GRID2: variants seen among roughly 807,000 people sequenced by gnomAD.
GRID2 encodes the protein glutamate receptor ionotropic, delta-2.
Under a neutral mutation model 114.8 loss-of-function variants are expected in GRID2, and 33 were observed. That is an observed-to-expected ratio of 0.29 (90% CI 0.22 to 0.38). GRID2 has a LOEUF of 0.38. Among genes scored for constraint, GRID2 ranks in the 10% least tolerant of loss-of-function variants. The pLI is 1.00. For synonymous variants in GRID2, 505 were observed against 449.9 expected (o/e 1.12, Z -1.55); for missense variants, 1,184 against 1,257.7 (o/e 0.94, Z 0.89).
chr4:93,421,218 A>C (rs921417857), intron 9 of GRID2, among the ~76,000 whole-genome samples: 7 of 152,154 alleles, frequency 4.6e-5, no homozygotes, highest in African/African-American at 1.4e-4. Context: ...ATGTTGCACA[A>C]ACCACCCTGT....
At chr4:93,383,738 T>A (rs1764074947) in intron 8 of GRID2, among the ~76,000 whole-genome samples, 1 of 152,158 alleles carries the variant, frequency 6.6e-6, no homozygotes, top group Non-Finnish European at 1.5e-5. Context: ...ACAGCTCACA[T>A]CTCACTCACA....
In GRID2 at chr4:93,026,040, T is replaced by C. The variant is rs142408350; in HGVS notation, c.245-58955T>C. 4.7e-3 allele frequency among the ~76,000 whole-genome samples: 709 copies of C among 151,888 alleles called. 9 individuals carry two copies. The highest frequency in any genetic ancestry group is 0.017 in the African/African-American group (687 of 41,528). ...GTAGGGAAAGTTGATAATTTTCTAA[T>C]TCATTTAAAGATGTATTATAATTTC... On this transcript the variant is annotated intron_variant, in intron 2 of 15. Coordinates refer to ENST00000282020, the MANE Select transcript of GRID2 (RefSeq NM_001510.4).
chr4:93,030,585 A>G (rs1030452880), intron 2 of GRID2, among the ~76,000 whole-genome samples: 1 of 151,886 alleles, frequency 6.6e-6, no homozygotes, highest in Non-Finnish European at 1.5e-5. Flanking sequence ...GGATTTTGCC[A>G]TGTTGGCCAG....
At chr4:93,122,120 A>AT (rs1733833550) in intron 4 of GRID2, among the ~76,000 whole-genome samples, 1 of 152,232 alleles carries the variant, frequency 6.6e-6, no homozygotes, top group African/African-American at 2.4e-5. Context: ...AAATTATTAC[A>AT]TTTTTTGTAG....
chr4:93,766,711 A>AT (rs1235983114), intron 14 of GRID2, among the ~76,000 whole-genome samples: 2 of 152,128 alleles, frequency 1.3e-5, no homozygotes, highest in Non-Finnish European at 2.9e-5. Flanking sequence ...AGATGACTAC[A>AT]TTTTTCCTCC....
At chr4:92,992,548 A>G (rs538550825) in intron 2 of GRID2, among the ~76,000 whole-genome samples, 2 of 152,270 alleles carry the variant, frequency 1.3e-5, no homozygotes, top group South Asian at 4.1e-4. Context: ...CTTCAGTATT[A>G]TATTTTGCAA....
chr4:93,089,021 C>G (rs562432866), intron 3 of GRID2, among the ~76,000 whole-genome samples: 1 of 152,154 alleles, frequency 6.6e-6, no homozygotes, highest in South Asian at 2.1e-4. Context: ...ATCTCGTTTA[C>G]TCCTCATAAT....
At chr4:92,901,592 G>A (rs1747587176) in intron 2 of GRID2, among the ~76,000 whole-genome samples, 1 of 151,822 alleles carries the variant, frequency 6.6e-6, no homozygotes, top group African/African-American at 2.4e-5. Flanking sequence ...GTTTTTCCTA[G>A]GTTTTCTTCT....
chr4:93,735,887 G>A (rs972016932), intron 14 of GRID2, among the ~76,000 whole-genome samples: 5 of 151,924 alleles, frequency 3.3e-5, no homozygotes, highest in African/African-American at 1.2e-4. Context: ...TCTTCATGAT[G>A]ACATCAACTG....
chr4:93,539,175 T>G (rs1732404592), intron 13 of GRID2, among the ~76,000 whole-genome samples: 1 of 151,926 alleles, frequency 6.6e-6, no homozygotes, highest in Admixed American at 6.6e-5. Flanking sequence ...GAATTTAGTT[T>G]CTGTCCTTCT....
chr4:92,954,836 A>G (rs1032394783), intron 2 of GRID2, among the ~76,000 whole-genome samples: 3 of 139,448 alleles, frequency 2.2e-5, no homozygotes, highest in Non-Finnish European at 3.1e-5. Flanking sequence ...TCATTGTTCA[A>G]TTCCCACCTA....
rs562474803 is a variant in GRID2, at chr4:93,748,865, C to T, written c.2361-20345C>T. Among the ~76,000 whole-genome samples, 12 of 152,036 alleles carry T rather than the reference C, an allele frequency of 7.9e-5. No individual in the cohort carries two copies. The South Asian group carries it at 2.5e-3, about 32-fold the overall frequency. ...AACAAGCCCAAAGAAAAACATAGAT[C>T]ATTGTGACAAATGCATTGTATCTTT... On this transcript the variant is annotated intron_variant, in intron 14 of 15. Transcript: ENST00000282020.
At chr4:93,600,803 A>T (rs1035639409) in intron 13 of GRID2, among the ~76,000 whole-genome samples, 9 of 152,230 alleles carry the variant, frequency 5.9e-5, no homozygotes, top group Non-Finnish European at 1.5e-5. Context: ...ATGGAAAAGC[A>T]TAGTGGTCTA....
At chr4:92,857,694 G>A (rs1246923438) in intron 2 of GRID2, among the ~76,000 whole-genome samples, 3 of 152,184 alleles carry the variant, frequency 2.0e-5, no homozygotes, top group Non-Finnish European at 1.5e-5. Flanking sequence ...TGTAGAAGCT[G>A]CAGAATGTTA....
chr4:93,296,615 T>C (rs1189417098), intron 8 of GRID2, among the ~76,000 whole-genome samples: 1 of 152,202 alleles, frequency 6.6e-6, no homozygotes, highest in Non-Finnish European at 1.5e-5. Context: ...CAAACATATA[T>C]GATTACAGTT....
At chr4:93,582,154 G>A (rs76925823) in intron 13 of GRID2, among the ~76,000 whole-genome samples, 6,179 of 152,094 alleles carry the variant, frequency 0.041, 157 homozygotes, top group African/African-American at 0.07. Flanking sequence ...TTTTCTTCCT[G>A]GAGGTTTTAG....
intron 14 of GRID2, among the ~76,000 whole-genome samples, chr4:93,744,941 C>G (rs1309806569): frequency 6.6e-6 from 1 of 152,320 alleles, no homozygotes; most frequent in East Asian, 1.9e-4. Context: ...AGCAAAACAA[C>G]TGTGACTCAC....
chr4:92,682,766 G>A (rs1344263489), intron 2 of GRID2, among the ~76,000 whole-genome samples: 1 of 151,580 alleles, frequency 6.6e-6, no homozygotes, highest in Non-Finnish European at 1.5e-5. Flanking sequence ...TGTTGCATAT[G>A]GTGGAATGAA....
chr4:93,189,781 A>G (rs1237275218), intron 4 of GRID2, among the ~76,000 whole-genome samples: 2 of 138,794 alleles, frequency 1.4e-5, no homozygotes, highest in African/African-American at 5.5e-5. Context: ...CACCACACAC[A>G]CACACACACA....
Sources: gnomAD v4.1 joint callset for allele counts (sites outside exome capture counted in the v4.1 genomes callset) on GRCh38, gnomAD v4.1.1 for gene constraint, MANE v1.5 for transcripts, NCBI Gene and HGNC (gene_info 2026-07-23, HGNC 2026-07-21) for gene names.